The following PTPRD variants were observed in gnomAD, a reference collection of about 807,000 sequenced individuals.
The protein encoded by PTPRD is receptor-type tyrosine-protein phosphatase delta.
In PTPRD, 34 loss-of-function variants were observed where a neutral mutation model predicts 214.5. The observed-to-expected ratio is 0.16, with a 90% CI of 0.12 to 0.21. PTPRD has a LOEUF of 0.21. Among genes scored for constraint, PTPRD ranks in the 10% least tolerant of loss-of-function variants. PTPRD has a pLI of 1.00. For synonymous variants in PTPRD, 1,128 were observed against 845.7 expected (o/e 1.33, Z -5.79); for missense variants, 2,545 against 2,398.7 (o/e 1.06, Z -1.27).
At chr9:8,645,903 C>T (rs72700303) in intron 12 of PTPRD, among the ~76,000 whole-genome samples, 6,551 of 152,042 alleles carry the variant, frequency 0.043, 430 homozygotes, top group African/African-American at 0.14. Flanking sequence ...ACCTAACAGC[C>T]TCAGCCTCCT....
chr9:9,828,474 G>C (rs1298947236), intron 5 of PTPRD, among the ~76,000 whole-genome samples: 1 of 152,032 alleles, frequency 6.6e-6, no homozygotes, highest in South Asian at 2.1e-4. Context: ...ACACAGGAAG[G>C]GGAACATCAC....
intron 8 of PTPRD, among the ~76,000 whole-genome samples, chr9:9,503,082 A>G (rs775464207): frequency 1.3e-5 from 2 of 151,842 alleles, no homozygotes; most frequent in Non-Finnish European, 2.9e-5. Flanking sequence ...GCCTTGATTA[A>G]AATAGACAAG....
At chr9:8,502,848 GTATA>G (rs556444172) in intron 23 of PTPRD, among the ~76,000 whole-genome samples, 1 of 147,098 alleles carries the variant, frequency 6.8e-6, no homozygotes, top group Non-Finnish European at 1.5e-5. Context: ...ATGTGTGTGT[GTATA>G]TATATATATA....
intron 33 of PTPRD, chr9:8,460,142 C>A: frequency 4.7e-6 from 2 of 424,468 alleles, no homozygotes; most frequent in East Asian, 4.4e-5. Flanking sequence ...ATGAAAAGTG[C>A]TTATCTGCAT....
At chr9:10,018,013 G>A (rs10755992) in intron 4 of PTPRD, among the ~76,000 whole-genome samples, 65,143 of 151,946 alleles carry the variant, frequency 0.43, 16,529 homozygotes, top group Middle Eastern at 0.61. Flanking sequence ...ATTATTTTTA[G>A]TTTTAACAGC....
intron 4 of PTPRD, among the ~76,000 whole-genome samples, chr9:9,963,544 T>C (rs935762787): frequency 6.6e-6 from 1 of 152,128 alleles, no homozygotes; most frequent in Non-Finnish European, 1.5e-5. Context: ...ATCAAGGAAA[T>C]ACAGTGGCAA....
At chr9:9,754,409 C>T (rs887872949) in intron 6 of PTPRD, among the ~76,000 whole-genome samples, 1 of 152,038 alleles carries the variant, frequency 6.6e-6, no homozygotes, top group Non-Finnish European at 1.5e-5. Context: ...AATGTTTATT[C>T]TGACTTAGTC....
intron 14 of PTPRD, among the ~76,000 whole-genome samples, chr9:8,571,101 C>T (rs928881407): frequency 4.6e-5 from 7 of 152,012 alleles, no homozygotes; most frequent in Non-Finnish European, 1.0e-4. Flanking sequence ...ACGGCATATT[C>T]CATTTATCAA....
At chr9:9,392,724 A>G (rs1434104760) in intron 9 of PTPRD, among the ~76,000 whole-genome samples, 1 of 152,194 alleles carries the variant, frequency 6.6e-6, no homozygotes, top group Non-Finnish European at 1.5e-5. Context: ...TTGGCTACAT[A>G]GATGACCCAC....
At chr9:8,871,096 G>A (rs1190035669) in intron 11 of PTPRD, among the ~76,000 whole-genome samples, 7 of 152,104 alleles carry the variant, frequency 4.6e-5, no homozygotes, top group African/African-American at 9.7e-5. Context: ...TAATTAAAGC[G>A]TTGGCAATGC....
intron 7 of PTPRD, among the ~76,000 whole-genome samples, chr9:9,686,532 T>G (rs1021853630): frequency 1.3e-5 from 2 of 151,568 alleles, no homozygotes; most frequent in Non-Finnish European, 3.0e-5. Flanking sequence ...TAATCTATGC[T>G]GACAGAAGTC....
At chr9:10,157,100 C>A (rs2099098308) in intron 3 of PTPRD, among the ~76,000 whole-genome samples, 1 of 152,116 alleles carries the variant, frequency 6.6e-6, no homozygotes, top group South Asian at 2.1e-4. Context: ...CACTCTGTGC[C>A]TTTTGATTGG....
At chr9:8,441,435 C>A (rs572330660) in intron 34 of PTPRD, among the ~76,000 whole-genome samples, 2 of 152,012 alleles carry the variant, frequency 1.3e-5, no homozygotes, top group Non-Finnish European at 2.9e-5. Context: ...TCCAGAGTAT[C>A]GTGTGGCATT....
intron 11 of PTPRD, among the ~76,000 whole-genome samples, chr9:8,978,557 C>A (rs757811229): frequency 6.6e-6 from 1 of 152,084 alleles, no homozygotes; most frequent in Non-Finnish European, 1.5e-5. Flanking sequence ...TCAGAGTTAG[C>A]TGGTGAAATG....
At chr9:10,558,273 A>T (rs951994175) in intron 2 of PTPRD, among the ~76,000 whole-genome samples, 2 of 152,214 alleles carry the variant, frequency 1.3e-5, no homozygotes, top group African/African-American at 4.8e-5. Context: ...CTTAAATTGT[A>T]TTAAAATCCA....
chr9:9,724,857 C>T (rs1418389248), intron 7 of PTPRD, among the ~76,000 whole-genome samples: 1 of 152,080 alleles, frequency 6.6e-6, no homozygotes. Flanking sequence ...GGGATTTGAG[C>T]CTAGGCAAAC....
At position 8,346,494 on chromosome 9, in the gene PTPRD, A is replaced by T. The variant is rs565417685; in HGVS notation, c.4662-4516T>A. Among the ~76,000 whole-genome samples the T allele has an allele frequency of 1.1e-4, 16 of 152,248 alleles. No individual in the cohort carries two copies. In the South Asian group the frequency reaches 3.3e-3, roughly 32 times the overall value. On this transcript the variant is annotated intron_variant, in intron 39 of 45. Coordinates refer to ENST00000381196, the MANE Select transcript of PTPRD (RefSeq NM_002839.4). ...GGAAAATTCCAGAAATAAGTTTTCA[A>T]TGACATACTTTTCTGAAAAGTGTGG...
chr9:9,086,798 T>G (rs926049480), intron 10 of PTPRD, among the ~76,000 whole-genome samples: 9 of 152,106 alleles, frequency 5.9e-5, no homozygotes, highest in African/African-American at 2.2e-4. Context: ...CAAAGATGAC[T>G]GGTTAGGTGA....
At chr9:9,858,438 T>C (rs569581463) in intron 5 of PTPRD, among the ~76,000 whole-genome samples, 2 of 152,338 alleles carry the variant, frequency 1.3e-5, no homozygotes, top group East Asian at 3.9e-4. Flanking sequence ...GTTAAACAAA[T>C]ATTTGGGATA....
Sources: gnomAD v4.1 joint callset for allele counts (sites outside exome capture counted in the v4.1 genomes callset) on GRCh38, gnomAD v4.1.1 for gene constraint, MANE v1.5 for transcripts, NCBI Gene and HGNC (gene_info 2026-07-23, HGNC 2026-07-21) for gene names.